Variants in TMEM178B observed in about 807,000 individuals in gnomAD.
TMEM178B encodes the protein transmembrane protein 178B.
A neutral mutation model predicts 31.0 loss-of-function variants in TMEM178B; 5 were observed. The observed-to-expected ratio is 0.16, with a 90% CI of 0.08 to 0.34. The LOEUF (loss-of-function observed/expected upper bound fraction) is 0.34, where lower values mean the gene tolerates loss of function less well. Ranked by LOEUF, TMEM178B falls within the 10% of genes least tolerant of loss-of-function variation. TMEM178B has a pLI of 1.00. For synonymous variants in TMEM178B, 164 were observed against 164.0 expected (o/e 1.00, Z 0.00); for missense variants, 275 against 400.3 (o/e 0.69, Z 2.67).
At chr7:141,356,361 T>C (rs1303990701) in intron 2 of TMEM178B, among the ~76,000 whole-genome samples, 1 of 150,724 alleles carries the variant, frequency 6.6e-6, no homozygotes, top group East Asian at 2.0e-4. Flanking sequence ...CTCTTTTCTC[T>C]GACACCTCAC....
chr7:141,222,994 G>A (rs1257960169), intron 2 of TMEM178B, among the ~76,000 whole-genome samples: 3 of 152,150 alleles, frequency 2.0e-5, no homozygotes. Flanking sequence ...TGTACTTAGT[G>A]TCTAAAAAGT....
chr7:141,310,095 TTAAAC>T (rs779824322), intron 2 of TMEM178B, among the ~76,000 whole-genome samples: 9 of 152,126 alleles, frequency 5.9e-5, no homozygotes, highest in Non-Finnish European at 1.3e-4. Context: ...TGGGATCTAA[TTAAAC>T]TAAAGAGCTT....
At chr7:141,408,240 T>G (rs1016709263) in intron 2 of TMEM178B, among the ~76,000 whole-genome samples, 2 of 151,934 alleles carry the variant, frequency 1.3e-5, no homozygotes, top group Non-Finnish European at 2.9e-5. Context: ...AGTCCAGGAA[T>G]GTCTGTTCAT....
chr7:141,385,060 T>C (rs1045754182), intron 2 of TMEM178B, among the ~76,000 whole-genome samples: 19 of 152,222 alleles, frequency 1.2e-4, no homozygotes, highest in African/African-American at 4.6e-4. Flanking sequence ...GAATTCAAAA[T>C]GAAACCCAAA....
chr7:141,152,540 AC>A (rs957973020), intron 1 of TMEM178B, among the ~76,000 whole-genome samples: 7 of 152,336 alleles, frequency 4.6e-5, no homozygotes, highest in Middle Eastern at 3.4e-3. Flanking sequence ...ACATCAAGAG[AC>A]CAAGCTTTGT....
At chr7:141,324,913 A>G (rs1799163363) in intron 2 of TMEM178B, among the ~76,000 whole-genome samples, 3 of 152,158 alleles carry the variant, frequency 2.0e-5, no homozygotes, top group African/African-American at 7.2e-5. Flanking sequence ...TCCAATTGAA[A>G]TCATAATCTG....
chr7:141,326,468 C>T (rs1799191851), intron 2 of TMEM178B, among the ~76,000 whole-genome samples: 1 of 152,078 alleles, frequency 6.6e-6, no homozygotes. Context: ...GTTATTTAGT[C>T]TAAAGCTATG....
At position 141,373,662 on chromosome 7, in the gene TMEM178B, AC is replaced by A. The variant is rs1413186334; in HGVS notation, c.497-63945del. On this transcript the variant is annotated intron_variant, in intron 2 of 3. Coordinates refer to ENST00000565468, the MANE Select transcript of TMEM178B (RefSeq NM_001195278.2). Reference sequence around the variant, plus strand: ...CGGCCACCCTCCACCCCCCCAACACACATTGGGCAGGCTGCTCCCGGGGAAG... The same window carrying A: ...CGGCCACCCTCCACCCCCCCAACACAATTGGGCAGGCTGCTCCCGGGGAAG... Among the ~76,000 whole-genome samples, 5 of 152,072 alleles carry A rather than the reference AC, an allele frequency of 3.3e-5. No homozygotes were observed. In the East Asian group the frequency reaches 9.7e-4, roughly 29 times the overall value.
chr7:141,181,967 C>T (rs931287042), intron 1 of TMEM178B, among the ~76,000 whole-genome samples: 10 of 152,168 alleles, frequency 6.6e-5, no homozygotes, highest in African/African-American at 2.2e-4. Context: ...TTTTCACTAG[C>T]GACACTGATA....
In TMEM178B at chr7:141,347,026, C is replaced by T. The variant is rs115646151; in HGVS notation, c.497-90582C>T. ...TTAAGTGTGGTGCCTCCCCCTTGCTCTCTCTCTCCTGCCATCATGTGAAGA... is the reference window on the plus strand; with the variant it reads ...TTAAGTGTGGTGCCTCCCCCTTGCTTTCTCTCTCCTGCCATCATGTGAAGA... On this transcript the variant is annotated intron_variant, in intron 2 of 3. Coordinates refer to ENST00000565468, the MANE Select transcript of TMEM178B (RefSeq NM_001195278.2). Among the ~76,000 whole-genome samples, 1,281 of 152,208 alleles carry T rather than the reference C, an allele frequency of 8.4e-3. 20 individuals are homozygous for T. The highest frequency in any genetic ancestry group is 0.029 in the African/African-American group (1,221 of 41,524).
intron 1 of TMEM178B, among the ~76,000 whole-genome samples, chr7:141,118,078 C>A (rs747295463): frequency 6.6e-6 from 1 of 152,184 alleles, no homozygotes. Context: ...TGTTGTAAAA[C>A]ACTCCTGTGG....
At chr7:141,491,355 A>G in the TMEM178B span, among the ~76,000 whole-genome samples, 1 of 152,220 alleles carries the variant, frequency 6.6e-6, no homozygotes, top group Non-Finnish European at 1.5e-5. Context: ...CTTAATGATC[A>G]TAATGTATTT....
intron 1 of TMEM178B, among the ~76,000 whole-genome samples, chr7:141,159,551 G>A (rs538149248): frequency 6.6e-5 from 10 of 152,264 alleles, no homozygotes; most frequent in Middle Eastern, 3.4e-3. Context: ...AGCAACCCAC[G>A]TGTTCACCGA....
At chr7:141,287,872 A>G (rs531892823) in intron 2 of TMEM178B, among the ~76,000 whole-genome samples, 4 of 152,198 alleles carry the variant, frequency 2.6e-5, no homozygotes, top group Admixed American at 6.5e-5. Context: ...TCTCAAGATC[A>G]TTTTCCTAAG....
intron 3 of TMEM178B, among the ~76,000 whole-genome samples, chr7:141,460,712 G>A (rs111704387): frequency 2.2e-4 from 34 of 152,350 alleles, no homozygotes; most frequent in African/African-American, 7.5e-4. Flanking sequence ...TATAGACACA[G>A]CCTCAGGAAC....
At chr7:141,508,976 G>A in the TMEM178B span, among the ~76,000 whole-genome samples, 11 of 152,218 alleles carry the variant, frequency 7.2e-5, no homozygotes, top group African/African-American at 2.7e-4. Flanking sequence ...TCTTAAGCTC[G>A]TGAGGTATTT....
chr7:141,144,269 A>G (rs1795818247), intron 1 of TMEM178B, among the ~76,000 whole-genome samples: 1 of 152,160 alleles, frequency 6.6e-6, no homozygotes, highest in Non-Finnish European at 1.5e-5. Flanking sequence ...AAGCTTTATG[A>G]TCAGAAAAGG....
At chr7:141,490,856 C>T in the TMEM178B span, among the ~76,000 whole-genome samples, 2 of 152,322 alleles carry the variant, frequency 1.3e-5, no homozygotes, top group Admixed American at 6.5e-5. Context: ...TTAATTCACT[C>T]CTCACCATGT....
At chr7:141,286,870 C>T (rs994766586) in intron 2 of TMEM178B, among the ~76,000 whole-genome samples, 3 of 152,126 alleles carry the variant, frequency 2.0e-5, no homozygotes, top group Non-Finnish European at 4.4e-5. Context: ...CTTTTAATGA[C>T]ATTTATTCAA....
Sources: gnomAD v4.1 joint callset for allele counts (sites outside exome capture counted in the v4.1 genomes callset) on GRCh38, gnomAD v4.1.1 for gene constraint, MANE v1.5 for transcripts, NCBI Gene and HGNC (gene_info 2026-07-23, HGNC 2026-07-21) for gene names.